The following HDAC9 variants were observed in gnomAD, a reference collection of about 807,000 sequenced individuals.
HDAC9 encodes MEF-2 interacting transcription repressor (MITR) protein.
A neutral mutation model predicts 139.4 loss-of-function variants in HDAC9; 41 were observed. The ratio of observed to expected loss-of-function variants is 0.29; its 90% CI spans 0.23 to 0.38. The LOEUF is 0.38. HDAC9 is among the 10% of genes least tolerant of loss of function. The pLI is 1.00. For missense variants in HDAC9, 1,147 were observed against 1,297.0 expected (o/e 0.88, Z 1.78); for synonymous variants, 517 against 476.2 (o/e 1.09, Z -1.12).
intron 2 of HDAC9, among the ~76,000 whole-genome samples, chr7:18,564,604 G>C (rs1821680948): frequency 6.6e-6 from 1 of 152,008 alleles, no homozygotes; most frequent in African/African-American, 2.4e-5. Flanking sequence ...TTCTAAATAG[G>C]AATAATATGC....
chr7:18,742,669 A>T (rs1197268584), intron 13 of HDAC9, among the ~76,000 whole-genome samples: 1 of 151,310 alleles, frequency 6.6e-6, no homozygotes, highest in African/African-American at 2.4e-5. Context: ...TTTTTTTCTG[A>T]CCACTGTATT....
intron 1 of HDAC9, among the ~76,000 whole-genome samples, chr7:18,359,028 A>C (rs994568060): frequency 6.6e-6 from 1 of 152,216 alleles, no homozygotes; most frequent in Non-Finnish European, 1.5e-5. Flanking sequence ...TAAAACCTGC[A>C]CTGTTCATCA....
chr7:18,927,393 C>T (rs1804330248), intron 22 of HDAC9, among the ~76,000 whole-genome samples: 1 of 152,142 alleles, frequency 6.6e-6, no homozygotes, highest in South Asian at 2.1e-4. Flanking sequence ...CTGCCACATG[C>T]TACCCGAATT....
chr7:18,403,438 G>T (rs982914488), intron 1 of HDAC9, among the ~76,000 whole-genome samples: 1 of 151,864 alleles, frequency 6.6e-6, no homozygotes, highest in Non-Finnish European at 1.5e-5. Flanking sequence ...TCATAAAATC[G>T]AAACACGCTG....
At chr7:18,765,916 T>C (rs561157675) in intron 15 of HDAC9, among the ~76,000 whole-genome samples, 147 of 152,186 alleles carry the variant, frequency 9.7e-4, no homozygotes, top group Non-Finnish European at 1.7e-3. Flanking sequence ...TCTCTCTTTA[T>C]AACTAGATGG....
At chr7:18,649,008 C>T (rs1416688420) in intron 11 of HDAC9, among the ~76,000 whole-genome samples, 2 of 152,160 alleles carry the variant, frequency 1.3e-5, no homozygotes, top group East Asian at 3.9e-4. Context: ...AAGTTTGAGG[C>T]AGACTTGAAT....
chr7:18,149,300 AGTT>A lies in HDAC9; in HGVS notation c.-96-12928_-96-12926del, dbSNP rs1459195805. Among the ~76,000 whole-genome samples, 3 of 150,828 alleles carry A rather than the reference AGTT, an allele frequency of 2.0e-5. No homozygotes were observed. The East Asian group carries it at 5.8e-4, about 29-fold the overall frequency. On this transcript the variant is annotated intron_variant, in intron 1 of 12. Coordinates refer to the HDAC9 transcript ENST00000417496. ...AAAAAGAAAAGAAAAAATAATTAGTAGTTAATTATAATATTTAACAACATATTA... is the reference window on the plus strand; with the variant it reads ...AAAAAGAAAAGAAAAAATAATTAGTAAATTATAATATTTAACAACATATTA...
intron 3 of HDAC9, among the ~76,000 whole-genome samples, chr7:18,586,570 T>G (rs1231559796): frequency 6.6e-6 from 1 of 152,100 alleles, no homozygotes; most frequent in Non-Finnish European, 1.5e-5. Context: ...GTATGTAATT[T>G]TACCACATTA....
chr7:18,944,203 T>G (rs965580755), intron 23 of HDAC9, among the ~76,000 whole-genome samples: 9 of 151,998 alleles, frequency 5.9e-5, no homozygotes, highest in Non-Finnish European at 1.3e-4. Context: ...GCATGGAGAG[T>G]CAGGTCTTCA....
chr7:18,120,839 C>T (rs1256380649), intron 1 of HDAC9, among the ~76,000 whole-genome samples: 21 of 152,132 alleles, frequency 1.4e-4, no homozygotes, highest in Non-Finnish European at 2.9e-5. Context: ...ATTTGCTCTT[C>T]TCTTGGGCAT....
intron 6 of HDAC9, 100 bp downstream of exon 6, chr7:18,594,129 A>G (rs557726735): frequency 2.2e-5 from 28 of 1,268,504 alleles, no homozygotes; most frequent in Non-Finnish European, 2.7e-5. Context: ...TTTGAGTCGT[A>G]GATAATATAC....
At chr7:18,852,275 T>G (rs1585155109) in intron 21 of HDAC9, among the ~76,000 whole-genome samples, 1 of 152,198 alleles carries the variant, frequency 6.6e-6, no homozygotes, top group African/African-American at 2.4e-5. Flanking sequence ...CCTGATATAT[T>G]GACCATGCAC....
chr7:18,199,586 G>A (rs184439298), intron 2 of HDAC9, among the ~76,000 whole-genome samples: 19 of 151,860 alleles, frequency 1.3e-4, no homozygotes, highest in Non-Finnish European at 2.4e-4. Context: ...AGGAGTTTGC[G>A]ACCAGCCTGG....
intron 12 of HDAC9, among the ~76,000 whole-genome samples, chr7:18,719,015 T>C (rs897515384): frequency 6.6e-6 from 1 of 152,220 alleles, no homozygotes; most frequent in Non-Finnish European, 1.5e-5. Context: ...AAATCCCTGA[T>C]AGCTAATGAA....
intron 2 of HDAC9, among the ~76,000 whole-genome samples, chr7:18,518,954 T>G (rs938175622): frequency 3.3e-5 from 5 of 152,192 alleles, no homozygotes; most frequent in African/African-American, 1.2e-4. Context: ...GTTTGCCCCT[T>G]GAAGCTATAG....
intron 2 of HDAC9, among the ~76,000 whole-genome samples, chr7:18,243,939 A>G (rs1465545010): frequency 6.6e-6 from 1 of 152,170 alleles, no homozygotes; most frequent in Non-Finnish European, 1.5e-5. Context: ...TTATGTGATA[A>G]TAGTACTGTT....
At chr7:18,522,968 T>A (rs1805573215) in intron 2 of HDAC9, among the ~76,000 whole-genome samples, 1 of 152,130 alleles carries the variant, frequency 6.6e-6, no homozygotes, top group South Asian at 2.1e-4. Context: ...GCACATTGTC[T>A]AGAGTGGAGG....
At chr7:18,092,488 T>G (rs1248793757) in intron 1 of HDAC9, among the ~76,000 whole-genome samples, 4 of 151,722 alleles carry the variant, frequency 2.6e-5, no homozygotes, top group Non-Finnish European at 5.9e-5. Context: ...TCCAAATCCC[T>G]CTGCAGAATT....
intron 17 of HDAC9, among the ~76,000 whole-genome samples, chr7:18,809,127 G>A (rs530872885): frequency 6.6e-6 from 1 of 152,054 alleles, no homozygotes; most frequent in African/African-American, 2.4e-5. Context: ...TGGGAAAACT[G>A]GATATCCACA....
Sources: allele counts gnomAD v4.1 joint callset (sites outside exome capture counted in the v4.1 genomes callset), GRCh38; gene constraint gnomAD v4.1.1; transcripts MANE v1.5; gene names NCBI Gene and HGNC (gene_info 2026-07-23, HGNC 2026-07-21).